Variants in CHRNA7 observed in about 807,000 individuals in gnomAD.
CHRNA7 encodes the protein cholinergic receptor nicotinic alpha 7 subunit.
Under a neutral mutation model 48.0 loss-of-function variants are expected in CHRNA7, and 17 were observed. The observed-to-expected ratio is 0.35, with a 90% CI of 0.24 to 0.53. CHRNA7 has a LOEUF of 0.53. Ranked by LOEUF, CHRNA7 falls within the 20% of genes least tolerant of loss-of-function variation. The pLI, the probability that CHRNA7 is intolerant of heterozygous loss-of-function variation, is 0.92. For synonymous variants in CHRNA7, 75 were observed against 242.3 expected (o/e 0.31, Z 6.41); for missense variants, 155 against 577.7 (o/e 0.27, Z 7.50).
At chr15:32,047,999 T>C (rs960918637) in intron 2 of CHRNA7, among the ~76,000 whole-genome samples, 22 of 152,170 alleles carry the variant, frequency 1.4e-4, no homozygotes, top group African/African-American at 3.4e-4. Flanking sequence ...ATTGAACCAG[T>C]CTTGCATCCC....
chr15:32,138,642 C>G (rs1346807476), intron 4 of CHRNA7, among the ~76,000 whole-genome samples: 1 of 152,178 alleles, frequency 6.6e-6, no homozygotes, highest in African/African-American at 2.4e-5. Flanking sequence ...TAGTATCATT[C>G]AGAATAGCTT....
chr15:32,112,764 A>G (rs2050784761), intron 4 of CHRNA7, among the ~76,000 whole-genome samples: 1 of 152,190 alleles, frequency 6.6e-6, no homozygotes, highest in Non-Finnish European at 1.5e-5. Flanking sequence ...ATCCCGCTGG[A>G]CAAGCAATGT....
intron 2 of CHRNA7, among the ~76,000 whole-genome samples, chr15:32,037,797 AT>A (rs945259508): frequency 1.0e-4 from 15 of 148,860 alleles, no homozygotes; most frequent in South Asian, 2.1e-4. Flanking sequence ...GCTCCTGGAG[AT>A]TTTTTTTTTG....
rs200826880 is a variant in CHRNA7 at position 32,069,807 on chromosome 15, C to CT, written c.196-31487dup. ...TCAGTGTGAAAAGAGATCTAGGTTGCTTTTTTTTTAAAACAAAGCTTCCTG... is the reference window on the plus strand; with the variant it reads ...TCAGTGTGAAAAGAGATCTAGGTTGCTTTTTTTTTTAAAACAAAGCTTCCTG... On this transcript the variant is annotated intron_variant, in intron 2 of 9. Coordinates refer to ENST00000306901, the MANE Select transcript of CHRNA7 (RefSeq NM_000746.6). 5.2e-3 allele frequency among the ~76,000 whole-genome samples: 784 copies of CT among 151,158 alleles called. 10 individuals are homozygous for CT. Among genetic ancestry groups the CT allele is most frequent in the African/African-American group, 0.015 (629 of 41,268 alleles).
At chr15:32,145,308 C>T (rs113674091) in intron 4 of CHRNA7, among the ~76,000 whole-genome samples, 30 of 152,260 alleles carry the variant, frequency 2.0e-4, no homozygotes, top group African/African-American at 7.2e-4. Context: ...CAGAGGAGCA[C>T]CCACCTGTAT....
chr15:32,088,804 A>G (rs902216139), intron 2 of CHRNA7, among the ~76,000 whole-genome samples: 5 of 152,042 alleles, frequency 3.3e-5, no homozygotes, highest in Non-Finnish European at 7.4e-5. Context: ...TTTCTTTCCT[A>G]TATTTTGAAT....
At chr15:32,106,948 A>C (rs1483608252) in intron 3 of CHRNA7, among the ~76,000 whole-genome samples, 1 of 152,182 alleles carries the variant, frequency 6.6e-6, no homozygotes, top group East Asian at 1.9e-4. Context: ...TCCTGTTTAC[A>C]GACAAGCCGG....
intron 4 of CHRNA7, among the ~76,000 whole-genome samples, chr15:32,152,416 C>T (rs1381424114): frequency 6.6e-6 from 1 of 152,140 alleles, no homozygotes; most frequent in Non-Finnish European, 1.5e-5. Flanking sequence ...GCACTCCAGC[C>T]TGGGCAACAG....
chr15:32,092,516 A>G (rs966988075), intron 2 of CHRNA7, among the ~76,000 whole-genome samples: 2 of 152,006 alleles, frequency 1.3e-5, no homozygotes, highest in Non-Finnish European at 2.9e-5. Context: ...ATTCATACTC[A>G]TACTTCCTTC....
chr15:32,041,818 T>A (rs1474309824), intron 2 of CHRNA7, among the ~76,000 whole-genome samples: 1 of 152,232 alleles, frequency 6.6e-6, no homozygotes, highest in Non-Finnish European at 1.5e-5. Context: ...TTTATTTTTG[T>A]TACATTATTT....
At chr15:32,048,170 A>C (rs887184509) in intron 2 of CHRNA7, among the ~76,000 whole-genome samples, 2 of 152,202 alleles carry the variant, frequency 1.3e-5, no homozygotes, top group African/African-American at 4.8e-5. Flanking sequence ...TGGTATCAGA[A>C]TGATGCTGGC....
chr15:32,156,122 T>C (rs1328157486), intron 5 of CHRNA7: 1 of 125,002 alleles, frequency 8.0e-6, no homozygotes, highest in South Asian at 2.4e-4. Flanking sequence ...TTTTGCTTGT[T>C]TGCAGTTAAT....
chr15:32,080,501 C>G (rs550485841), intron 2 of CHRNA7, among the ~76,000 whole-genome samples: 1 of 152,154 alleles, frequency 6.6e-6, no homozygotes, highest in African/African-American at 2.4e-5. Context: ...AGACACTTCT[C>G]AAAAGAAGAC....
At chr15:32,039,874 T>C (rs2049415413) in intron 2 of CHRNA7, among the ~76,000 whole-genome samples, 1 of 152,174 alleles carries the variant, frequency 6.6e-6, no homozygotes, top group African/African-American at 2.4e-5. Context: ...AAAATGGATT[T>C]ACCTATTTAT....
chr15:32,100,550 C>G (rs1376873304), intron 2 of CHRNA7: 2 of 154,414 alleles, frequency 1.3e-5, no homozygotes, highest in Admixed American at 1.3e-4. Flanking sequence ...ACTAGCCAAG[C>G]TCCCTGATTA....
intron 2 of CHRNA7, among the ~76,000 whole-genome samples, chr15:32,045,019 G>T (rs907829119): frequency 3.9e-5 from 6 of 152,092 alleles, no homozygotes. Context: ...TCTATCTGTT[G>T]TTAGTCCCAT....
chr15:32,094,948 C>T (rs1342544577), intron 2 of CHRNA7, among the ~76,000 whole-genome samples: 2 of 152,218 alleles, frequency 1.3e-5, no homozygotes. Context: ...GCACCCAGCT[C>T]TTAGGCACTT....
intron 3 of CHRNA7, among the ~76,000 whole-genome samples, chr15:32,110,278 T>G (rs1406989560): frequency 6.6e-6 from 1 of 152,180 alleles, no homozygotes; most frequent in Non-Finnish European, 1.5e-5. Flanking sequence ...AAGCATGGCT[T>G]GGTTGGTGCC....
intron 2 of CHRNA7, among the ~76,000 whole-genome samples, chr15:32,084,633 G>T (rs997745484): frequency 6.6e-6 from 1 of 152,192 alleles, no homozygotes; most frequent in Non-Finnish European, 1.5e-5. Flanking sequence ...AATCACCAGT[G>T]GTGGACATTT....
Sources: gnomAD v4.1 joint callset for allele counts (sites outside exome capture counted in the v4.1 genomes callset) on GRCh38, gnomAD v4.1.1 for gene constraint, MANE v1.5 for transcripts, NCBI Gene and HGNC (gene_info 2026-07-23, HGNC 2026-07-21) for gene names.